GVQW3: variants seen among roughly 807,000 people sequenced by gnomAD.
GVQW3 encodes the protein protein GVQW3.
A neutral mutation model predicts 12.5 loss-of-function variants in GVQW3; 7 were observed. That is an observed-to-expected ratio of 0.56 (90% CI 0.32 to 1.05). The LOEUF is 1.05. Ranked by LOEUF, GVQW3 falls within the 50% of genes least tolerant of loss-of-function variation. GVQW3 has a pLI of 0.04. For missense variants in GVQW3, 188 were observed against 190.8 expected, an observed-to-expected ratio of 0.99 and a Z score of 0.09; for synonymous variants, 71 against 67.2, an observed-to-expected ratio of 1.06 and a Z score of -0.28.
In GVQW3 at chr11:76,403,724, C is replaced by G. The variant is rs1947012290; in HGVS notation, c.530C>G (p.Pro177Arg). The change falls in exon 2 of 2, where the codon CCT becomes CGT. Residue 177 changes from proline to arginine, a missense_variant. Transcript: ENST00000529331. Reference protein sequence around the residue: ...SNSLSQGILPPWPPKALGLSA With the variant: ...SNSLSQGILPRWPPKALGLSA ...TCCTTGTCTCAAGGGATCCTCCCAC[C>G]TTGGCCTCCCAAAGCTCTGGGATTA... The G allele has an allele frequency of 2.0e-6, 1 of 491,632 alleles. No individual in the cohort carries two copies. The highest frequency in any genetic ancestry group is 3.7e-6 in the Non-Finnish European group (1 of 273,130). The allele number at this position is 491,632 out of a possible 1,614,324, so 30.5% of individuals were successfully genotyped here.
downstream of GVQW3, among the ~76,000 whole-genome samples, chr11:76,409,337 A>G (rs2134571105): frequency 6.6e-6 from 1 of 152,308 alleles, no homozygotes; most frequent in Non-Finnish European, 1.5e-5. Flanking sequence ...TGGGTTATAA[A>G]TGTCAAGAAG....
In GVQW3 at chr11:76,381,790, C is replaced by T. The variant is rs772517769; in HGVS notation, c.-39C>T. The stretch of plus-strand genomic sequence containing the variant: ...GATCTGTCCGTCTTTCCCTTACAGT[C>T]GTGGCCTGTTAAACGTTCCTGTGTT... On this transcript the variant is annotated 5_prime_UTR_variant, in exon 1 of 2. Coordinates refer to ENST00000529331, the MANE Select transcript of GVQW3 (RefSeq NM_001347885.2). 1.3e-5 allele frequency: 19 copies of T among 1,479,820 alleles called. No individual in the cohort carries two copies. In the South Asian group the frequency reaches 2.4e-4, roughly 19 times the overall value. The allele number at this position is 1,479,820 out of a possible 1,614,324, so 91.7% of individuals were successfully genotyped here.
chr11:76,397,347 T>G (rs1946948777), intron 1 of GVQW3, among the ~76,000 whole-genome samples: 1 of 152,234 alleles, frequency 6.6e-6, no homozygotes, highest in African/African-American at 2.4e-5. Context: ...TGTGTGAATC[T>G]ACCACATTCT....
intron 1 of GVQW3, among the ~76,000 whole-genome samples, chr11:76,398,029 G>A (rs924548523): frequency 2.0e-5 from 3 of 151,834 alleles, no homozygotes; most frequent in Admixed American, 6.6e-5. Context: ...CAGCTACTCG[G>A]GAGGCTGAGG....
intron 1 of GVQW3, chr11:76,395,105 A>C (rs1169013404): frequency 1.3e-5 from 2 of 152,254 alleles, no homozygotes; most frequent in African/African-American, 4.8e-5. Flanking sequence ...GAATGAAAGA[A>C]GGGATTTTAT....
exon 2 of GVQW3, chr11:76,413,603 C>A (rs1406730510): frequency 1.3e-5 from 2 of 152,242 alleles, no homozygotes; most frequent in Non-Finnish European, 2.9e-5. Context: ...GAGCAGCTCT[C>A]CTTCCCAACC....
intron 1 of GVQW3, among the ~76,000 whole-genome samples, chr11:76,387,421 C>G (rs1281241911): frequency 2.0e-5 from 3 of 151,952 alleles, no homozygotes; most frequent in African/African-American, 7.3e-5. Context: ...GAGGGAGACT[C>G]CATCTCAAAA....
chr11:76,406,822 C>T lies in GVQW3; in HGVS notation c.*3064C>T, dbSNP rs2077917728. 1 of 152,148 alleles carries T rather than the reference C, an allele frequency of 6.6e-6. No individual in the cohort carries two copies. Among genetic ancestry groups the T allele is most frequent in the Admixed American group, 6.5e-5 (1 of 15,276 alleles). 9.4% of individuals were successfully genotyped at this position (152,148 alleles called of 1,614,324 possible). A position where few individuals can be genotyped will look rare whatever the true frequency, so the allele number is the denominator to read the frequency against. On this transcript the variant is annotated 3_prime_UTR_variant, in exon 2 of 2. Coordinates refer to ENST00000529331, the MANE Select transcript of GVQW3 (RefSeq NM_001347885.2). ...AGGAGATCGAGACCAACCTGGCTAA[C>T]ACAGTGAAACCCCGTCTCTACCAAA...
chr11:76,382,318 T>A (rs1946783130), intron 1 of GVQW3, 25 bp downstream of exon 1: 1 of 1,403,594 alleles, frequency 7.1e-7, no homozygotes, highest in African/African-American at 1.4e-5. Context: ...AACATGGAGT[T>A]ATCTCCAGGG....
chr11:76,401,918 A>G (rs537552095), intron 1 of GVQW3, among the ~76,000 whole-genome samples: 3 of 152,136 alleles, frequency 2.0e-5, no homozygotes, highest in Non-Finnish European at 4.4e-5. Flanking sequence ...AATGCTATTT[A>G]TTACCCCACC....
At chr11:76,409,720 T>TGG (rs1947068782), downstream of GVQW3, among the ~76,000 whole-genome samples, 1 of 152,198 alleles carries the variant, frequency 6.6e-6, no homozygotes, top group African/African-American at 2.4e-5. Flanking sequence ...GGACTGAGCT[T>TGG]CCTAACTAAA....
intron 1 of GVQW3, among the ~76,000 whole-genome samples, chr11:76,401,773 CA>C (rs5792720): frequency 0.028 from 2,445 of 88,894 alleles, 16 homozygotes; most frequent in Non-Finnish European, 0.039. Context: ...AACTCTGTCT[CA>C]AAAAAAAAAA....
At chr11:76,384,824 A>G (rs1946816433) in intron 1 of GVQW3, among the ~76,000 whole-genome samples, 1 of 152,206 alleles carries the variant, frequency 6.6e-6, no homozygotes, top group South Asian at 2.1e-4. Flanking sequence ...GGCACCAGGG[A>G]CACTGCACTT....
chr11:76,390,548 TTAG>T lies in GVQW3; in HGVS notation c.465+8259_465+8261del, dbSNP rs764155547. Reference sequence around the variant, plus strand: ...GGAGACAGACAAGAAATAAGATAAATTAGTAGGCTGGGCACGGTGGCTCACGCC... The same window carrying T: ...GGAGACAGACAAGAAATAAGATAAATTAGGCTGGGCACGGTGGCTCACGCC... On this transcript the variant is annotated intron_variant, in intron 1 of 1. Transcript: ENST00000529331. Among the ~76,000 whole-genome samples, 9 of 152,292 alleles carry T rather than the reference TTAG, an allele frequency of 5.9e-5. No homozygotes were observed. The East Asian group carries it at 1.4e-3, about 23-fold the overall frequency.
At position 76,403,904 on chromosome 11, in the gene GVQW3, T is replaced by A. The variant is rs1947014828; in HGVS notation, c.*146T>A. The A allele has an allele frequency of 1.4e-6, 1 of 701,332 alleles. No homozygotes were observed. The highest frequency in any genetic ancestry group is 2.0e-5 in the Admixed American group (1 of 49,886). The allele number at this position is 701,332 out of a possible 1,614,324, so 43.4% of individuals were successfully genotyped here. ...AAGCGAGAACAAATTTGCCCTTCTA[T>A]CTTTTTGTTCTATTCAGGTCCTCAA... On this transcript the variant is annotated 3_prime_UTR_variant, in exon 2 of 2. Transcript: ENST00000529331.
intron 1 of GVQW3, among the ~76,000 whole-genome samples, chr11:76,400,224 T>C (rs111233293): frequency 5.3e-5 from 8 of 151,978 alleles, no homozygotes; most frequent in African/African-American, 1.9e-4. Flanking sequence ...GCAATTCTCC[T>C]GTCTCAGCCT....
At chr11:76,411,602 CA>C (rs2134573041), downstream of GVQW3, 1 of 152,274 alleles carries the variant, frequency 6.6e-6, no homozygotes, top group Non-Finnish European at 1.5e-5. Context: ...AAGGGTTAAC[CA>C]TAGGCTTCCT....
rs548753936 is a variant in GVQW3 at position 76,384,147 on chromosome 11, C to T, written c.465+1854C>T. 5.3e-5 allele frequency among the ~76,000 whole-genome samples: 8 copies of T among 152,342 alleles called. No homozygotes were observed. The South Asian group carries it at 1.7e-3, about 32-fold the overall frequency. On this transcript the variant is annotated intron_variant, in intron 1 of 1. Coordinates refer to ENST00000529331, the MANE Select transcript of GVQW3 (RefSeq NM_001347885.2). ...GCAGGGGTTTGGTAATAGCATTTCACAGAATTGGCCAGTCTTTGTTTTACT... is the reference window on the plus strand; with the variant it reads ...GCAGGGGTTTGGTAATAGCATTTCATAGAATTGGCCAGTCTTTGTTTTACT...
intron 1 of GVQW3, among the ~76,000 whole-genome samples, chr11:76,385,761 A>G (rs534018651): frequency 2.6e-5 from 4 of 152,236 alleles, no homozygotes; most frequent in African/African-American, 9.6e-5. Context: ...GTGGGGTGAC[A>G]TGGGGGAATT....
Sources: allele counts gnomAD v4.1 joint callset (sites outside exome capture counted in the v4.1 genomes callset), GRCh38; gene constraint gnomAD v4.1.1; transcripts MANE v1.5; gene names NCBI Gene and HGNC (gene_info 2026-07-23, HGNC 2026-07-21).